The following TAF3 variants were observed in gnomAD, a reference collection of about 807,000 sequenced individuals.
The protein encoded by TAF3 is TATA-box binding protein associated factor 3, also known as transcription initiation factor TFIID subunit 3.
Under a neutral mutation model 80.6 loss-of-function variants are expected in TAF3, and 7 were observed. That is an observed-to-expected ratio of 0.09 (90% confidence interval 0.05 to 0.16). The LOEUF is 0.16. TAF3 is among the 10% of genes least tolerant of loss of function. TAF3 has a pLI of 1.00. For synonymous variants in TAF3, 444 were observed against 446.1 expected (o/e 1.00, Z 0.06); for missense variants, 921 against 1,140.2 (o/e 0.81, Z 2.77).
At chr10:7,886,263 A>G (rs1481659579) in intron 2 of TAF3, among the ~76,000 whole-genome samples, 1 of 152,132 alleles carries the variant, frequency 6.6e-6, no homozygotes, top group Non-Finnish European at 1.5e-5. Context: ...GCCACATTAG[A>G]CATAACCAGC....
intron 2 of TAF3, among the ~76,000 whole-genome samples, chr10:7,963,599 T>G (rs1044169417): frequency 2.0e-5 from 3 of 151,932 alleles, no homozygotes; most frequent in African/African-American, 7.3e-5. Flanking sequence ...TAAGTGGGAG[T>G]TGAACAGTGA....
At chr10:7,997,196 A>G (rs1831898224) in intron 4 of TAF3, among the ~76,000 whole-genome samples, 1 of 152,220 alleles carries the variant, frequency 6.6e-6, no homozygotes, top group African/African-American at 2.4e-5. Flanking sequence ...AGTGGTTGCG[A>G]TAGTTTTTAC....
intron 2 of TAF3, among the ~76,000 whole-genome samples, chr10:7,867,245 T>TGA (rs1443728183): frequency 2.0e-5 from 3 of 151,260 alleles, no homozygotes; most frequent in African/African-American, 7.3e-5. Context: ...GGCAACAGAG[T>TGA]GAGACTGTCA....
At chr10:7,884,226 G>A (rs1837387106) in intron 2 of TAF3, among the ~76,000 whole-genome samples, 1 of 152,038 alleles carries the variant, frequency 6.6e-6, no homozygotes, top group African/African-American at 2.4e-5. Context: ...AGCTGTACCC[G>A]GTTTGGCCCC....
At chr10:7,905,162 C>T (rs1837595374) in intron 2 of TAF3, among the ~76,000 whole-genome samples, 1 of 152,120 alleles carries the variant, frequency 6.6e-6, no homozygotes, top group Non-Finnish European at 1.5e-5. Flanking sequence ...GAATACAACT[C>T]AAGGGGGGCT....
At chr10:8,008,936 G>C in intron 4 of TAF3, 142 bp from the exon 5 acceptor site, 1 of 1,224,174 alleles carries the variant, frequency 8.2e-7, no homozygotes, top group Non-Finnish European at 1.1e-6. Context: ...GCAGGGCCTG[G>C]AACTCAGTTC....
intron 2 of TAF3, among the ~76,000 whole-genome samples, chr10:7,871,435 C>CTTTTTTTTTTTTTTTTTTTTTTGT (rs1837264317): frequency 1.4e-5 from 1 of 69,116 alleles, no homozygotes; most frequent in Non-Finnish European, 2.9e-5. Context: ...ATAACTGCTG[C>CTTTTTTTTTTTTTTTTTTTTTTGT]TTTTTTTTTT....
At chr10:7,995,276 C>A (rs1177391287) in intron 4 of TAF3, among the ~76,000 whole-genome samples, 2 of 152,136 alleles carry the variant, frequency 1.3e-5, no homozygotes, top group South Asian at 2.1e-4. Flanking sequence ...TTCATTTCAT[C>A]TAGTTTTGAT....
At chr10:7,967,183 G>A (rs1317201322) in intron 3 of TAF3, among the ~76,000 whole-genome samples, 1 of 152,196 alleles carries the variant, frequency 6.6e-6, no homozygotes, top group African/African-American at 2.4e-5. Context: ...GACTTCACGT[G>A]GTGAGGGGTT....
At chr10:7,819,793 A>G (rs897446586) in intron 1 of TAF3, among the ~76,000 whole-genome samples, 4 of 152,088 alleles carry the variant, frequency 2.6e-5, no homozygotes, top group African/African-American at 9.7e-5. Context: ...GTTTCATAGG[A>G]TATTTTGTTT....
chr10:7,856,515 A>C (rs563399920), intron 2 of TAF3, among the ~76,000 whole-genome samples: 6 of 152,282 alleles, frequency 3.9e-5, no homozygotes, highest in African/African-American at 7.2e-5. Context: ...AAAAGAGAAA[A>C]GATTTTTTAA....
At chr10:7,833,261 A>G (rs977959102) in intron 2 of TAF3, among the ~76,000 whole-genome samples, 2 of 152,086 alleles carry the variant, frequency 1.3e-5, no homozygotes, top group African/African-American at 4.8e-5. Flanking sequence ...TTCTATTTTG[A>G]GTTTTTGGAG....
chr10:7,927,372 A>G (rs1837825943), intron 2 of TAF3, among the ~76,000 whole-genome samples: 1 of 152,212 alleles, frequency 6.6e-6, no homozygotes, highest in South Asian at 2.1e-4. Context: ...GAAGTCACTC[A>G]AGTAGTCCTT....
At chr10:7,931,824 T>A (rs774637720) in intron 2 of TAF3, among the ~76,000 whole-genome samples, 1 of 152,200 alleles carries the variant, frequency 6.6e-6, no homozygotes, top group Admixed American at 6.5e-5. Context: ...TACAAATGAC[T>A]GACAGTTCCT....
chr10:7,986,945 A>G (rs1277461189), intron 4 of TAF3, among the ~76,000 whole-genome samples: 1 of 152,236 alleles, frequency 6.6e-6, no homozygotes, highest in African/African-American at 2.4e-5. Flanking sequence ...TAACCTAGAA[A>G]GCAGAAGTTT....
At chr10:7,934,015 A>T (rs1837893485) in intron 2 of TAF3, among the ~76,000 whole-genome samples, 1 of 152,206 alleles carries the variant, frequency 6.6e-6, no homozygotes, top group Non-Finnish European at 1.5e-5. Flanking sequence ...TTGTAGGAAA[A>T]TCCCAGAGAT....
Position 8,015,748 on chromosome 10 carries a change from T to C in TAF3, c.*997T>C, listed in dbSNP as rs180962507. 45 of 152,260 alleles carry C rather than the reference T, an allele frequency of 3.0e-4. No homozygotes were observed. Among genetic ancestry groups the C allele is most frequent in the Admixed American group, 2.9e-3 (45 of 15,294 alleles). The allele number at this position is 152,260 out of a possible 1,614,324, so 9.4% of individuals were successfully genotyped here. On this transcript the variant is annotated 3_prime_UTR_variant, in exon 7 of 7. Coordinates refer to ENST00000344293, the MANE Select transcript of TAF3 (RefSeq NM_031923.4). ...AGCAGTTGGAAGGAAAACAAGGCAATTTAAATTTAGAGTTTATGACTTGAA... is the reference window on the plus strand; with the variant it reads ...AGCAGTTGGAAGGAAAACAAGGCAACTTAAATTTAGAGTTTATGACTTGAA...
Position 7,954,440 on chromosome 10 carries a change from T to C in TAF3, c.410-9480T>C, listed in dbSNP as rs1439783031. ...AACACGAGCTCTCCATAGTGAGATTTAGAGTGCACTCCATAGGTGAATGAA... is the reference window on the plus strand; with the variant it reads ...AACACGAGCTCTCCATAGTGAGATTCAGAGTGCACTCCATAGGTGAATGAA... On this transcript the variant is annotated intron_variant, in intron 2 of 6. Coordinates refer to ENST00000344293, the MANE Select transcript of TAF3 (RefSeq NM_031923.4). Among the ~76,000 whole-genome samples, 55 of 106,604 alleles carry C rather than the reference T, an allele frequency of 5.2e-4. 1 individual carries two copies. The highest frequency in any genetic ancestry group is 1.2e-3 in the African/African-American group (37 of 31,368). 69.9% of individuals were successfully genotyped at this position (106,604 alleles called of 152,430 possible).
intron 3 of TAF3, among the ~76,000 whole-genome samples, chr10:7,967,834 A>T (rs1252531027): frequency 6.6e-6 from 1 of 152,190 alleles, no homozygotes; most frequent in Admixed American, 6.5e-5. Context: ...CTGTGTTAAT[A>T]TGGGCAGGTC....
Sources: gnomAD v4.1 joint callset for allele counts (sites outside exome capture counted in the v4.1 genomes callset) on GRCh38, gnomAD v4.1.1 for gene constraint, MANE v1.5 for transcripts, NCBI Gene and HGNC (gene_info 2026-07-23, HGNC 2026-07-21) for gene names.